The following HLCS variants were observed in gnomAD, a reference collection of about 807,000 sequenced individuals.
HLCS encodes the protein biotin--protein ligase.
In HLCS, 53 loss-of-function variants were observed where a neutral mutation model predicts 75.0. The ratio of observed to expected loss-of-function variants is 0.71; its 90% CI spans 0.57 to 0.89. The LOEUF (loss-of-function observed/expected upper bound fraction) is 0.89. HLCS is among the 40% of genes least tolerant of loss of function. The pLI is 0.00. For synonymous variants in HLCS, 431 were observed against 428.6 expected (o/e 1.01, Z -0.07); for missense variants, 966 against 1,074.0 (o/e 0.90, Z 1.41).
At chr21:36,940,423 C>T (rs1017490271) in intron 2 of HLCS, among the ~76,000 whole-genome samples, 3 of 152,078 alleles carry the variant, frequency 2.0e-5, no homozygotes, top group Non-Finnish European at 4.4e-5. Flanking sequence ...GTAATTCTCC[C>T]GCCTCAGCCT....
chr21:36,874,887 C>T (rs1200630972), intron 6 of HLCS, among the ~76,000 whole-genome samples: 5 of 152,184 alleles, frequency 3.3e-5, no homozygotes, highest in Middle Eastern at 3.4e-3. Flanking sequence ...GAAGCACCCC[C>T]GGTCCCTGCA....
chr21:36,871,418 C>T (rs2063765138), intron 6 of HLCS, among the ~76,000 whole-genome samples: 3 of 151,868 alleles, frequency 2.0e-5, no homozygotes, highest in Non-Finnish European at 2.9e-5. Context: ...GAGAAAATTG[C>T]ACACATTTAA....
intron 6 of HLCS, among the ~76,000 whole-genome samples, chr21:36,786,440 T>C (rs2145858110): frequency 6.6e-6 from 1 of 152,278 alleles, no homozygotes; most frequent in East Asian, 1.9e-4. Flanking sequence ...TTCCAAAATT[T>C]AAAACTTAAA....
In HLCS at chr21:36,947,565, A is replaced by G. The variant is rs550474866; in HGVS notation, c.331-8571T>C. On this transcript the variant is annotated intron_variant, in intron 2 of 10. Transcript: ENST00000674895. The stretch of plus-strand genomic sequence containing the variant: ...GAAGTCAAGCAAAAGGCTCACTCCC[A>G]AAGATCAAAGCTAAGGAAGCCCTGG... The G allele has an allele frequency of 4.1e-6, 4 of 985,498 alleles. No individual in the cohort carries two copies. The African/African-American group carries it at 5.2e-5, about 13-fold the overall frequency. The allele number at this position is 985,498 out of a possible 1,614,324, so 61.0% of individuals were successfully genotyped here.
At position 36,772,305 on chromosome 21, in the gene HLCS, C is replaced by T. The variant is rs7277291; in HGVS notation, c.1893-5020G>A. Among the ~76,000 whole-genome samples, 728 of 151,970 alleles carry T rather than the reference C, an allele frequency of 4.8e-3. 2 individuals carry two copies. Among genetic ancestry groups the T allele is most frequent in the African/African-American group, 0.017 (697 of 41,458 alleles). ...TGAAAAAGAAGGTTAAAAACAGTATCGTAGAATGATTCTCTTTATATACGA... is the reference window on the plus strand; with the variant it reads ...TGAAAAAGAAGGTTAAAAACAGTATTGTAGAATGATTCTCTTTATATACGA... On this transcript the variant is annotated intron_variant, in intron 6 of 10. Transcript: ENST00000674895.
At chr21:36,778,107 T>C (rs1454387367) in intron 6 of HLCS, among the ~76,000 whole-genome samples, 1 of 152,104 alleles carries the variant, frequency 6.6e-6, no homozygotes, top group Admixed American at 6.6e-5. Flanking sequence ...TAGCTGGGAC[T>C]ACAGGCGCCC....
intron 2 of HLCS, chr21:36,943,159 G>A (rs1173566472): frequency 6.6e-6 from 1 of 152,044 alleles, no homozygotes; most frequent in Non-Finnish European, 1.5e-5. Context: ...AAGACTTTGG[G>A]AGTTCCTCAA....
intron 5 of HLCS, among the ~76,000 whole-genome samples, chr21:36,911,222 C>A (rs1569181417): frequency 6.6e-6 from 1 of 152,172 alleles, no homozygotes; most frequent in Non-Finnish European, 1.5e-5. Flanking sequence ...CCCTGTGTGT[C>A]CCCAGCAGCC....
chr21:36,880,819 C>A (rs2064176576), intron 6 of HLCS, among the ~76,000 whole-genome samples: 1 of 152,184 alleles, frequency 6.6e-6, no homozygotes, highest in Non-Finnish European at 1.5e-5. Flanking sequence ...CCAAACTCCC[C>A]TTACCCCTCC....
chr21:36,841,543 G>A (rs2062615083), intron 6 of HLCS, among the ~76,000 whole-genome samples: 1 of 152,248 alleles, frequency 6.6e-6, no homozygotes, highest in Admixed American at 6.5e-5. Context: ...GTGTGAAGAT[G>A]GCAAGGGCTA....
At chr21:36,758,188 C>T (rs1380228778) in intron 9 of HLCS, among the ~76,000 whole-genome samples, 2 of 152,114 alleles carry the variant, frequency 1.3e-5, no homozygotes, top group African/African-American at 4.8e-5. Flanking sequence ...CGCACTGCAG[C>T]CTCAACCTCC....
intron 6 of HLCS, among the ~76,000 whole-genome samples, chr21:36,809,264 T>G (rs2061442413): frequency 6.6e-6 from 1 of 152,138 alleles, no homozygotes; most frequent in Non-Finnish European, 1.5e-5. Flanking sequence ...TTCAGTACCT[T>G]GAAAATGTTA....
Position 36,930,251 on chromosome 21 carries a change from C to T in HLCS, c.1620G>A (p.Glu540=). The change falls in exon 5 of 11, where the codon GAG becomes GAA. Residue 540 remains glutamate (E), a splice_region_variant and synonymous_variant. Transcript: ENST00000674895. ...CTGCCCAGCTGAGCCCACAACTCACCTCCGCAGCTGACAGCAAGTAAAGAG... is the reference window on the plus strand; with the variant it reads ...CTGCCCAGCTGAGCCCACAACTCACTTCCGCAGCTGACAGCAAGTAAAGAG... ...LTPLYLLSAA[E]EIRDPLMQWL... is the part of the protein sequence containing the mutation. 6.2e-7 allele frequency: 1 copy of T among 1,614,160 alleles called. No homozygotes were observed. The highest frequency in any genetic ancestry group is 2.2e-5 in the East Asian group (1 of 44,880).
chr21:36,937,094 A>G lies in HLCS; in HGVS notation c.792T>C (p.Ile264=), dbSNP rs775055913. The change falls in exon 4 of 11, where the codon ATT becomes ATC. Residue 264 remains isoleucine, a synonymous_variant. Transcript: ENST00000674895. The part of the protein sequence containing the change: ...HECLELENST[I]ESVKFASAEN... ...CGGCAGACGCAAACTTGACTGACTC[A>G]ATGGTGCTGTTCTCAAGTTCCAGAC... 1 of 1,614,030 alleles carries G rather than the reference A, an allele frequency of 6.2e-7. No individual in the cohort carries two copies. The highest frequency in any genetic ancestry group is 1.1e-5 in the South Asian group (1 of 91,058).
At chr21:36,876,523 A>T (rs918586307) in intron 6 of HLCS, among the ~76,000 whole-genome samples, 1 of 152,170 alleles carries the variant, frequency 6.6e-6, no homozygotes, top group Admixed American at 6.5e-5. Context: ...TGGACTATTT[A>T]GATGTGTGCT....
chr21:36,964,333 G>A (rs1420367732), intron 1 of HLCS, among the ~76,000 whole-genome samples: 1 of 152,168 alleles, frequency 6.6e-6, no homozygotes, highest in East Asian at 1.9e-4. Flanking sequence ...TCATCAACCT[G>A]ATCATATTTT....
chr21:36,833,593 T>TTTTATA (rs2062294697), intron 6 of HLCS, among the ~76,000 whole-genome samples: 5 of 140,010 alleles, frequency 3.6e-5, no homozygotes, highest in Middle Eastern at 3.6e-3. Context: ...TAAAAAAAAA[T>TTTTATA]TATATATATA....
intron 5 of HLCS, among the ~76,000 whole-genome samples, chr21:36,907,475 G>C (rs2065509514): frequency 6.6e-6 from 1 of 152,112 alleles, no homozygotes; most frequent in Non-Finnish European, 1.5e-5. Context: ...GGCCAACATG[G>C]TGAAACCCCA....
At chr21:36,924,497 C>T (rs1267333770) in intron 5 of HLCS, among the ~76,000 whole-genome samples, 7 of 152,110 alleles carry the variant, frequency 4.6e-5, no homozygotes, top group Admixed American at 4.6e-4. Flanking sequence ...GAAGCAGAGG[C>T]TGCAGTGAGC....
Sources: gnomAD v4.1 joint callset for allele counts (sites outside exome capture counted in the v4.1 genomes callset) on GRCh38, gnomAD v4.1.1 for gene constraint, MANE v1.5 for transcripts, NCBI Gene and HGNC (gene_info 2026-07-23, HGNC 2026-07-21) for gene names.